Variants in CNOT1 observed in about 807,000 individuals in gnomAD.
CNOT1 encodes the protein CCR4-associated factor 1.
A neutral mutation model predicts 273.8 loss-of-function variants in CNOT1; 15 were observed. The ratio of observed to expected loss-of-function variants is 0.05; its 90% CI spans 0.04 to 0.08. The LOEUF is 0.08. Ranked by LOEUF, CNOT1 falls within the 10% of genes least tolerant of loss-of-function variation. CNOT1 has a pLI of 1.00. For synonymous variants in CNOT1, 1,022 were observed against 1,005.5 expected, an observed-to-expected ratio of 1.02 and a Z score of -0.31; for missense variants, 1,644 against 2,912.2, an observed-to-expected ratio of 0.56 and a Z score of 10.02.
chr16:58,599,479 C>G lies in CNOT1; in HGVS notation c.-142G>C, dbSNP rs999531450. ...GTATAATATCTTCAGTTCTTCTTTA[C>G]CAGGGGTCTTACTCTGTTCTGAAAC... is the stretch of plus-strand genomic sequence containing the variant. On this transcript the variant is annotated 5_prime_UTR_variant, in exon 2 of 49. Transcript: ENST00000317147. 9.3e-6 allele frequency: 9 copies of G among 972,110 alleles called. No individual in the cohort carries two copies. The highest frequency in any genetic ancestry group is 1.3e-5 in the Non-Finnish European group (9 of 669,680). The allele number at this position is 972,110 out of a possible 1,614,324, so 60.2% of individuals were successfully genotyped here.
chr16:58,551,856 A>C (rs753774026), intron 22 of CNOT1, 37 bp from the exon 23 acceptor site: 1 of 1,609,226 alleles, frequency 6.2e-7, no homozygotes, highest in African/African-American at 1.3e-5. Context: ...GTTAACCTTA[A>C]TTGCTAAGTC....
At chr16:58,575,231 C>T in intron 14 of CNOT1, 102 bp from the exon 15 acceptor site, 1 of 1,492,852 alleles carries the variant, frequency 6.7e-7, no homozygotes. Context: ...TCAAATAAAA[C>T]ACACTGCTAA....
chr16:58,579,492 T>A (rs1441576550), intron 12 of CNOT1, among the ~76,000 whole-genome samples: 1 of 152,070 alleles, frequency 6.6e-6, no homozygotes. Flanking sequence ...CTTTATCTGT[T>A]CAAATAAAAT....
At chr16:58,587,719 T>A in intron 4 of CNOT1, 61 bp downstream of exon 4, 9 of 1,546,414 alleles carry the variant, frequency 5.8e-6, no homozygotes, top group Non-Finnish European at 7.0e-6. Flanking sequence ...GATCAAGGCT[T>A]AGGGACTTTT....
At chr16:58,601,881 A>C (rs1353548384) in intron 1 of CNOT1, among the ~76,000 whole-genome samples, 1 of 151,552 alleles carries the variant, frequency 6.6e-6, no homozygotes, top group Non-Finnish European at 1.5e-5. Context: ...TTAAAAAAAA[A>C]AAAAAGTAAA....
At position 58,551,880 on chromosome 16, in the gene CNOT1, C is replaced by T. The variant is rs1466588597; in HGVS notation, c.2971-61G>A. On this transcript the variant is annotated intron_variant, in intron 22 of 48. Coordinates refer to ENST00000317147, the MANE Select transcript of CNOT1 (RefSeq NM_016284.5). Reference sequence around the variant, plus strand: ...AATTGCTAAGTCTGGATTATACGTCCCTCTTTTCTGAGAGGGTAAAAAACA... The same window carrying T: ...AATTGCTAAGTCTGGATTATACGTCTCTCTTTTCTGAGAGGGTAAAAAACA... 6.3e-6 allele frequency: 10 copies of T among 1,589,106 alleles called. No individual in the cohort carries two copies. In the Admixed American group the frequency reaches 1.5e-4, roughly 25 times the overall value.
At chr16:58,534,426 T>C (rs2039865188) in intron 39 of CNOT1, 31 bp from the exon 40 acceptor site, 1 of 1,607,600 alleles carries the variant, frequency 6.2e-7, no homozygotes, top group Non-Finnish European at 8.5e-7. Context: ...AAAGACACAA[T>C]GAGGTAACAC....
chr16:58,520,696 T>G lies in CNOT1; in HGVS notation c.*262A>C. On this transcript the variant is annotated 3_prime_UTR_variant, in exon 49 of 49. Transcript: ENST00000317147. ...AAGCCAAGAAGTTCCAGACAAAGGT[T>G]TTCTCTTTCATGTATTTACACAAGT... 1 of 478,508 alleles carries G rather than the reference T, an allele frequency of 2.1e-6. No homozygotes were observed. Among genetic ancestry groups the G allele is most frequent in the Non-Finnish European group, 3.8e-6 (1 of 263,066 alleles). The allele number at this position is 478,508 out of a possible 1,614,324, so 29.6% of individuals were successfully genotyped here.
intron 7 of CNOT1, among the ~76,000 whole-genome samples, chr16:58,586,216 T>G (rs1444705592): frequency 1.1e-5 from 1 of 88,784 alleles, no homozygotes; most frequent in Non-Finnish European, 2.2e-5. Context: ...CCAGCTGATG[T>G]TGTCTCTTTT....
chr16:58,525,531 GTTGTA>G, intron 45 of CNOT1, 172 bp from the exon 46 acceptor site: 1 of 621,112 alleles, frequency 1.6e-6, no homozygotes, highest in Non-Finnish European at 2.8e-6. Flanking sequence ...TCCAAAGGTG[GTTGTA>G]TCAATAAGAG....
intron 42 of CNOT1, 173 bp from the exon 43 acceptor site, chr16:58,530,520 C>T (rs1458305530): frequency 1.4e-5 from 6 of 436,256 alleles, no homozygotes; most frequent in East Asian, 3.5e-5. Context: ...CGGTGGCTGA[C>T]GCCTGTAATC....
rs35148544 is a variant in CNOT1 at position 58,524,249 on chromosome 16, CA to C, written c.6785-748del. 4.0e-3 allele frequency among the ~76,000 whole-genome samples: 331 copies of C among 82,360 alleles called. 5 individuals carry two copies. Among genetic ancestry groups the C allele is most frequent in the Admixed American group, 5.8e-3 (39 of 6,778 alleles). The allele number at this position is 82,360 out of a possible 152,430, so 54.0% of individuals were successfully genotyped here. A position where few individuals can be genotyped will look rare whatever the true frequency, so the allele number is the denominator to read the frequency against. Reference sequence around the variant, plus strand: ...TGGGTGTGAGAGCAAGACTCTATCGCAAAAAAAAAAAAAAAAAAAAGTTTTG... The same window carrying C: ...TGGGTGTGAGAGCAAGACTCTATCGCAAAAAAAAAAAAAAAAAAAGTTTTG... On this transcript the variant is annotated intron_variant, in intron 46 of 48. Coordinates refer to ENST00000317147, the MANE Select transcript of CNOT1 (RefSeq NM_016284.5).
intron 25 of CNOT1, chr16:58,548,392 T>C: frequency 2.3e-6 from 1 of 442,048 alleles, no homozygotes; most frequent in Non-Finnish European, 4.4e-6. Flanking sequence ...GGGCTATATT[T>C]AAACTTCTGT....
intron 1 of CNOT1, among the ~76,000 whole-genome samples, chr16:58,614,156 C>T (rs1444494142): frequency 8.2e-6 from 1 of 121,716 alleles, no homozygotes. Flanking sequence ...AGTAGCTTTG[C>T]ATATTCCAAG....
intron 11 of CNOT1, among the ~76,000 whole-genome samples, 182 bp from the exon 12 acceptor site, chr16:58,580,942 A>C (rs1041637239): frequency 6.6e-6 from 1 of 152,218 alleles, no homozygotes; most frequent in Admixed American, 6.5e-5. Flanking sequence ...TGCATAATGA[A>C]ACCCTGTCTG....
chr16:58,621,019 T>A (rs1214897786), intron 1 of CNOT1, among the ~76,000 whole-genome samples: 3 of 10,228 alleles, frequency 2.9e-4, no homozygotes, highest in Non-Finnish European at 6.5e-4. Flanking sequence ...AAAGATAACT[T>A]TTTTTTTTTC....
At chr16:58,615,301 C>T (rs546548935) in intron 1 of CNOT1, among the ~76,000 whole-genome samples, 1 of 125,710 alleles carries the variant, frequency 8.0e-6, no homozygotes, top group East Asian at 1.9e-4. Flanking sequence ...GCTCACCAAA[C>T]TGCTTCCTCT....
Position 58,555,499 on chromosome 16 carries a change from T to C in CNOT1, c.2643A>G (p.Ile881Met). The C allele has an allele frequency of 6.2e-7, 1 of 1,613,942 alleles. No individual in the cohort carries two copies. The highest frequency in any genetic ancestry group is 8.5e-7 in the Non-Finnish European group (1 of 1,180,040). Residue 881 changes from isoleucine (I) to methionine (M), a missense_variant, in exon 21 of 49, where the codon ATA (isoleucine) becomes ATG (methionine). Coordinates refer to ENST00000317147, the MANE Select transcript of CNOT1 (RefSeq NM_016284.5). ...EMLQRFKDSTIKREREVFNCM... is the reference protein window; with the variant it reads ...EMLQRFKDSTMKREREVFNCM... Reference sequence around the variant, plus strand: ...AGTTAAATACTTCTCGTTCCCTCTTTATAGTAGAGTCTTTAAATCTCTGCA... The same window carrying C: ...AGTTAAATACTTCTCGTTCCCTCTTCATAGTAGAGTCTTTAAATCTCTGCA...
At chr16:58,594,624 T>C (rs1188349696) in intron 2 of CNOT1, among the ~76,000 whole-genome samples, 1 of 150,246 alleles carries the variant, frequency 6.7e-6, no homozygotes, top group African/African-American at 2.5e-5. Flanking sequence ...ACCTACATGG[T>C]GAAACCCCAC....
Sources: allele counts gnomAD v4.1 joint callset (sites outside exome capture counted in the v4.1 genomes callset), GRCh38; gene constraint gnomAD v4.1.1; transcripts MANE v1.5; gene names NCBI Gene and HGNC (gene_info 2026-07-23, HGNC 2026-07-21).